Variants in TMEM143 observed in about 807,000 individuals in gnomAD.
TMEM143 encodes the protein transmembrane protein 143.
Under a neutral mutation model 40.3 loss-of-function variants are expected in TMEM143, and 45 were observed. That is an observed-to-expected ratio of 1.12 (90% CI 0.88 to 1.43). TMEM143 has a LOEUF of 1.43. TMEM143 is among the 40% of genes most tolerant of loss of function. TMEM143 has a pLI of 0.00. For synonymous variants in TMEM143, 299 were observed against 282.7 expected, an observed-to-expected ratio of 1.06 and a Z score of -0.58; for missense variants, 620 against 613.4, an observed-to-expected ratio of 1.01 and a Z score of -0.11.
chr19:48,362,369 G>C (rs892135535), intron 2 of TMEM143, among the ~76,000 whole-genome samples: 3 of 152,096 alleles, frequency 2.0e-5, no homozygotes, highest in South Asian at 2.1e-4. Context: ...GCAATACCCT[G>C]TCTCTACTAA....
intron 2 of TMEM143, among the ~76,000 whole-genome samples, chr19:48,362,785 C>G (rs974850142): frequency 3.9e-5 from 6 of 152,074 alleles, no homozygotes; most frequent in African/African-American, 9.7e-5. Context: ...TATGTTGTGG[C>G]CTTGGGTAAG....
rs552487098 is a variant in TMEM143, at chr19:48,341,239, G to A, written c.975+1291C>T. Among the ~76,000 whole-genome samples, 43 of 152,322 alleles carry A rather than the reference G, an allele frequency of 2.8e-4. 1 individual carries two copies. The highest frequency in any genetic ancestry group is 1.0e-3 in the African/African-American group (42 of 41,574). On this transcript the variant is annotated intron_variant, in intron 6 of 7. Transcript: ENST00000293261. ...CTGGGCTGACTCAGCCTCGAGACAG[G>A]ACACGCATTTTGGCAAGCGGAGCAC...
In TMEM143 at chr19:48,345,445, C is replaced by CATTTATTTATTTATTTATTTATTT. The variant is rs146325765; in HGVS notation, c.370-115_370-92dup. Reference sequence around the variant, plus strand: ...AAGGACATCCCTCTCCAGATACTTTCATTTATTTATTTATTTATTTATTTA... The same window carrying CATTTATTTATTTATTTATTTATTT: ...AAGGACATCCCTCTCCAGATACTTTCATTTATTTATTTATTTATTTATTTATTTATTTATTTATTTATTTATTTA... On this transcript the variant is annotated intron_variant, in intron 3 of 7. Transcript: ENST00000293261. The CATTTATTTATTTATTTATTTATTT allele has an allele frequency of 6.5e-5, 42 of 642,202 alleles. 1 individual carries two copies. Among genetic ancestry groups the CATTTATTTATTTATTTATTTATTT allele is most frequent in the African/African-American group, 6.2e-4 (30 of 48,406 alleles). The allele number at this position is 642,202 out of a possible 1,614,324, so 39.8% of individuals were successfully genotyped here. A position where few individuals can be genotyped will look rare whatever the true frequency, so the allele number is the denominator to read the frequency against.
intron 6 of TMEM143, among the ~76,000 whole-genome samples, chr19:48,334,440 TTC>T (rs199524146): frequency 4.9e-4 from 21 of 42,850 alleles, no homozygotes; most frequent in African/African-American, 2.0e-3. Context: ...CTTTCTTTCT[TTC>T]TTTCTTTCTT....
At chr19:48,353,558 C>T (rs1476056444) in intron 3 of TMEM143, among the ~76,000 whole-genome samples, 2 of 151,862 alleles carry the variant, frequency 1.3e-5, no homozygotes, top group South Asian at 2.1e-4. Context: ...GGACACACTT[C>T]CACTGTACTA....
chr19:48,337,976 G>T (rs890525634), intron 6 of TMEM143, among the ~76,000 whole-genome samples: 4 of 152,190 alleles, frequency 2.6e-5, no homozygotes, highest in African/African-American at 9.7e-5. Flanking sequence ...GTGGCACACA[G>T]ATGAAGCCAG....
At chr19:48,339,839 C>T (rs1390537004) in intron 6 of TMEM143, among the ~76,000 whole-genome samples, 1 of 152,178 alleles carries the variant, frequency 6.6e-6, no homozygotes, top group African/African-American at 2.4e-5. Flanking sequence ...AGTGATTCTC[C>T]TGCCTCAGCC....
chr19:48,337,270 C>T (rs1330723755), intron 6 of TMEM143, among the ~76,000 whole-genome samples: 1 of 151,768 alleles, frequency 6.6e-6, no homozygotes, highest in African/African-American at 2.4e-5. Flanking sequence ...TTGGGACAGC[C>T]GGGCGCGGTG....
intron 3 of TMEM143, among the ~76,000 whole-genome samples, chr19:48,353,376 T>C (rs1799268): frequency 0.74 from 111,279 of 150,990 alleles, 41,290 homozygotes; most frequent in East Asian, 0.83. Flanking sequence ...TAGAGACGGG[T>C]TTTCACCAGG....
chr19:48,350,006 T>TC (rs1454821242), intron 3 of TMEM143, among the ~76,000 whole-genome samples: 1 of 144,672 alleles, frequency 6.9e-6, no homozygotes, highest in Non-Finnish European at 1.5e-5. Flanking sequence ...AATTTTTTTT[T>TC]TTTTTTTTTT....
At chr19:48,341,877 G>A (rs181850708) in intron 6 of TMEM143, among the ~76,000 whole-genome samples, 7 of 152,006 alleles carry the variant, frequency 4.6e-5, no homozygotes, top group Admixed American at 2.0e-4. Flanking sequence ...ACCACGAGCC[G>A]AGCACTGCCC....
chr19:48,349,084 C>G (rs192973002), intron 3 of TMEM143, among the ~76,000 whole-genome samples: 1 of 152,186 alleles, frequency 6.6e-6, no homozygotes, highest in South Asian at 2.1e-4. Context: ...ACCAGTTACT[C>G]AGGAGGCTGA....
At chr19:48,336,911 C>T (rs1969383145) in intron 6 of TMEM143, among the ~76,000 whole-genome samples, 2 of 151,986 alleles carry the variant, frequency 1.3e-5, no homozygotes, top group South Asian at 4.2e-4. Flanking sequence ...GTCCCAGCTA[C>T]TCAGGAGGCT....
intron 3 of TMEM143, among the ~76,000 whole-genome samples, chr19:48,357,595 C>T (rs1485525068): frequency 5.3e-5 from 8 of 149,620 alleles, no homozygotes; most frequent in Non-Finnish European, 1.2e-4. Context: ...TGACCTCATG[C>T]TCCGCCTGCC....
At chr19:48,339,569 G>A (rs73047581) in intron 6 of TMEM143, among the ~76,000 whole-genome samples, 19,612 of 152,180 alleles carry the variant, frequency 0.13, 1,477 homozygotes, top group East Asian at 0.2. Context: ...ATGGGGACAC[G>A]CTGCACATGG....
chr19:48,341,464 T>A (rs1174947402), intron 6 of TMEM143, among the ~76,000 whole-genome samples: 2 of 152,182 alleles, frequency 1.3e-5, no homozygotes, highest in Non-Finnish European at 2.9e-5. Context: ...GCTGCATTTG[T>A]CAGCCAGCTC....
chr19:48,337,041 A>AG (rs1025039745), intron 6 of TMEM143, among the ~76,000 whole-genome samples: 2 of 151,682 alleles, frequency 1.3e-5, no homozygotes, highest in Non-Finnish European at 2.9e-5. Context: ...AAAAGAAAAA[A>AG]GAAAAAAAAG....
At chr19:48,350,606 G>A (rs987773441) in intron 3 of TMEM143, among the ~76,000 whole-genome samples, 5 of 151,952 alleles carry the variant, frequency 3.3e-5, no homozygotes, top group Admixed American at 6.6e-5. Context: ...ACCGGGCCTC[G>A]CACAAACATC....
chr19:48,346,057 C>G (rs565761836), intron 3 of TMEM143, among the ~76,000 whole-genome samples: 1 of 151,108 alleles, frequency 6.6e-6, no homozygotes, highest in Non-Finnish European at 1.5e-5. Flanking sequence ...GCTGGGATTA[C>G]AGGCATGAGC....
Sources: gnomAD v4.1 joint callset for allele counts (sites outside exome capture counted in the v4.1 genomes callset) on GRCh38, gnomAD v4.1.1 for gene constraint, MANE v1.5 for transcripts, NCBI Gene and HGNC (gene_info 2026-07-23, HGNC 2026-07-21) for gene names.